SGSM3: variants seen among roughly 807,000 people sequenced by gnomAD.
SGSM3 encodes small G protein signaling modulator 3.
SGSM3 carries 96 observed loss-of-function variants against 100.5 expected under a neutral mutation model. That is an observed-to-expected ratio of 0.96 (90% CI 0.81 to 1.13). SGSM3 has a LOEUF of 1.13. Ranked by LOEUF, SGSM3 falls within the 50% of genes most tolerant of loss-of-function variation. The probability of loss-of-function intolerance (pLI) is 0.00; values close to 1 mark genes in which losing one functional copy is unlikely to be tolerated. For missense variants in SGSM3, 1,001 were observed against 1,015.8 expected (o/e 0.99, Z 0.20); for synonymous variants, 483 against 422.8 (o/e 1.14, Z -1.75).
chr22:40,376,386 T>G (rs2046602936), intron 1 of SGSM3: 1 of 151,862 alleles, frequency 6.6e-6, no homozygotes, highest in African/African-American at 2.4e-5. Context: ...ACTCCTGGGC[T>G]CAAGAGGTCC....
In SGSM3 at chr22:40,409,888, A is replaced by G; in HGVS notation, c.*129A>G. The G allele has an allele frequency of 7.0e-7, 1 of 1,431,060 alleles. No individual in the cohort carries two copies. Among genetic ancestry groups the G allele is most frequent in the South Asian group, 1.5e-5 (1 of 65,450 alleles). 88.6% of individuals were successfully genotyped at this position (1,431,060 alleles called of 1,614,324 possible). A position where few individuals can be genotyped will look rare whatever the true frequency, so the allele number is the denominator to read the frequency against. ...CGGGATATCAATATCAGGCTGCCCC[A>G]CTCCACGTTCCCCAGCACATCCCAG... is the stretch of plus-strand genomic sequence containing the variant. On this transcript the variant is annotated 3_prime_UTR_variant, in exon 22 of 22. Coordinates refer to ENST00000248929, the MANE Select transcript of SGSM3 (RefSeq NM_015705.6).
At chr22:40,382,110 G>C (rs2047667812) in intron 1 of SGSM3, among the ~76,000 whole-genome samples, 1 of 152,114 alleles carries the variant, frequency 6.6e-6, no homozygotes, top group Non-Finnish European at 1.5e-5. Flanking sequence ...TGTGAAATGA[G>C]AGAATAAGAG....
intron 1 of SGSM3, among the ~76,000 whole-genome samples, chr22:40,396,138 T>C (rs2050017578): frequency 1.3e-5 from 2 of 152,224 alleles, no homozygotes; most frequent in Admixed American, 1.3e-4. Flanking sequence ...TTTTAGCATC[T>C]ATAGAAGCCA....
intron 6 of SGSM3, 195 bp from the exon 7 acceptor site, chr22:40,404,946 T>C (rs948466828): frequency 6.9e-6 from 2 of 290,242 alleles, no homozygotes; most frequent in African/African-American, 4.6e-5. Context: ...TCAGGTGGTC[T>C]GGCATGAAGT....
Position 40,400,747 on chromosome 22 carries a change from T to C in SGSM3, c.-60T>C. On this transcript the variant is annotated 5_prime_UTR_variant, in exon 2 of 22. Transcript: ENST00000248929. ...CCTGAGGAGCCTTCCAGCTCTAAGA[T>C]AGCAGGATAGGAGACTTCTAAGATT... 6.5e-7 allele frequency: 1 copy of C among 1,528,108 alleles called. No homozygotes were observed. Among genetic ancestry groups the C allele is most frequent in the Middle Eastern group, 1.7e-4 (1 of 5,906 alleles). 94.7% of individuals were successfully genotyped at this position (1,528,108 alleles called of 1,614,324 possible).
At chr22:40,409,132 C>T (rs2052170708) in intron 19 of SGSM3, 114 bp downstream of exon 19, 1 of 1,554,324 alleles carries the variant, frequency 6.4e-7, no homozygotes, top group Admixed American at 1.9e-5. Flanking sequence ...GGGCTCAGGT[C>T]CTTCCCCAAA....
Position 40,409,969 on chromosome 22 carries a change from C to G in SGSM3, c.*210C>G, listed in dbSNP as rs2052378167. 7.3e-7 allele frequency: 1 copy of G among 1,365,976 alleles called. No homozygotes were observed. Among genetic ancestry groups the G allele is most frequent in the Admixed American group, 3.6e-5 (1 of 28,130 alleles). The allele number at this position is 1,365,976 out of a possible 1,614,324, so 84.6% of individuals were successfully genotyped here. A position where few individuals can be genotyped will look rare whatever the true frequency, so the allele number is the denominator to read the frequency against. ...CAGGGTCCTTAGGGATGCTCTAGGC[C>G]AAACCACAGTTTGTACCAAAAACCT... On this transcript the variant is annotated 3_prime_UTR_variant, in exon 22 of 22. Transcript: ENST00000248929.
At chr22:40,403,721 T>G (rs2051058680) in intron 4 of SGSM3, among the ~76,000 whole-genome samples, 1 of 151,746 alleles carries the variant, frequency 6.6e-6, no homozygotes, top group South Asian at 2.1e-4. Flanking sequence ...CTGAGCAGAG[T>G]GACATGATCT....
At chr22:40,409,650 GC>G in intron 21 of SGSM3, 31 bp from the exon 22 acceptor site, 1 of 1,613,196 alleles carries the variant, frequency 6.2e-7, no homozygotes, top group Non-Finnish European at 8.5e-7. Flanking sequence ...CATGCCCAAG[GC>G]CTGTGAGGTG....
At position 40,410,280 on chromosome 22, in the gene SGSM3, C is replaced by CT; in HGVS notation, c.*522dup. 1 of 593,724 alleles carries CT rather than the reference C, an allele frequency of 1.7e-6. No individual in the cohort carries two copies. The highest frequency in any genetic ancestry group is 2.2e-6 in the Non-Finnish European group (1 of 450,880). The allele number at this position is 593,724 out of a possible 1,614,324, so 36.8% of individuals were successfully genotyped here. ...CCTTCCATGGACTGAATAAGATGGA[C>CT]TAACAGGCCTGTGTTTTTGTGTTTA... On this transcript the variant is annotated 3_prime_UTR_variant, in exon 22 of 22. Coordinates refer to ENST00000248929, the MANE Select transcript of SGSM3 (RefSeq NM_015705.6).
chr22:40,409,354 A>C lies in SGSM3; in HGVS notation c.2093A>C (p.Gln698Pro). 1 of 1,607,656 alleles carries C rather than the reference A, an allele frequency of 6.2e-7. No individual in the cohort carries two copies. Among genetic ancestry groups the C allele is most frequent in the Non-Finnish European group, 8.5e-7 (1 of 1,176,456 alleles). ...TTCCTGCGCAGCCCGGGCTGGGTCC[A>C]GATCAAGTGTGAGCTCCGGTGAGGA... ...WSFLRSPGWVQIKCELRVLCC... is the reference protein window; with the variant it reads ...WSFLRSPGWVPIKCELRVLCC... The change falls in exon 20 of 22, where the codon CAG (glutamine) becomes CCG (proline). Residue 698 changes from glutamine to proline, a missense_variant. By Grantham distance (76) the Gln-to-Pro change is moderately conservative. Transcript: ENST00000248929.
intron 15 of SGSM3, 74 bp downstream of exon 15, chr22:40,408,194 C>T: frequency 1.2e-6 from 2 of 1,606,710 alleles, no homozygotes; most frequent in Non-Finnish European, 1.7e-6. Context: ...GAGTCCTGGC[C>T]TGTAGCATGG....
At chr22:40,406,407 T>C (rs199637845) in intron 9 of SGSM3, 31 bp from the exon 10 acceptor site, 2 of 1,534,138 alleles carry the variant, frequency 1.3e-6, no homozygotes, top group Non-Finnish European at 1.8e-6. Context: ...ATGACAACCT[T>C]CTTCCCCCAT....
Position 40,409,497 on chromosome 22 carries a change from AG to A in SGSM3, c.2146del (p.Asp716ThrfsTer14), listed in dbSNP as rs746123894. Reference sequence around the variant, plus strand: ...TGCTGCTTTGCCTTCAGCCTCTCCCAGGACTGGGAGCTCCCTGCGAAGAGAG... The same window carrying A: ...TGCTGCTTTGCCTTCAGCCTCTCCCAGACTGGGAGCTCCCTGCGAAGAGAG... ...VLCCFAFSLSQDWELPAKREA... is the reference protein window; with the variant it reads ...VLCCFAFSLSXDWELPAKREA... On this transcript the variant is annotated frameshift_variant, in exon 21 of 22. Transcript: ENST00000248929. LOFTEE classifies it high-confidence loss of function. 1 of 1,591,054 alleles carries A rather than the reference AG, an allele frequency of 6.3e-7. No individual in the cohort carries two copies. Among genetic ancestry groups the A allele is most frequent in the Non-Finnish European group, 8.6e-7 (1 of 1,168,628 alleles).
intron 1 of SGSM3, among the ~76,000 whole-genome samples, chr22:40,398,923 A>G (rs1466779304): frequency 1.4e-5 from 2 of 140,148 alleles, no homozygotes; most frequent in African/African-American, 2.6e-5. Flanking sequence ...CACGGTTATA[A>G]CAAGTGGGCA....
intron 8 of SGSM3, 46 bp downstream of exon 8, chr22:40,405,890 A>C: frequency 6.4e-7 from 1 of 1,570,932 alleles, no homozygotes; most frequent in Non-Finnish European, 8.7e-7. Context: ...AGCTTGGAGG[A>C]CTCAGGCGGG....
At chr22:40,392,297 T>C (rs1427617710) in intron 1 of SGSM3, among the ~76,000 whole-genome samples, 2 of 151,750 alleles carry the variant, frequency 1.3e-5, no homozygotes, top group African/African-American at 4.8e-5. Flanking sequence ...CTTGAAAAAT[T>C]ACAGGCTTTT....
At chr22:40,370,771 G>T (rs151215336) in intron 1 of SGSM3, 83 bp downstream of exon 1, 1,890 of 152,552 alleles carry the variant, frequency 0.012, 19 homozygotes, top group Non-Finnish European at 0.02. Flanking sequence ...GGCTGTGGTC[G>T]GACTGTCCGA....
At chr22:40,379,963 G>A (rs749587139) in intron 1 of SGSM3, among the ~76,000 whole-genome samples, 4 of 152,004 alleles carry the variant, frequency 2.6e-5, no homozygotes, top group Admixed American at 6.6e-5. Context: ...CACCCTCCTC[G>A]GCCTCCTAAA....
Sources: gnomAD v4.1 joint callset for allele counts (sites outside exome capture counted in the v4.1 genomes callset) on GRCh38, gnomAD v4.1.1 for gene constraint, MANE v1.5 for transcripts, NCBI Gene and HGNC (gene_info 2026-07-23, HGNC 2026-07-21) for gene names.